Variants in RAP2A observed in about 807,000 individuals in gnomAD.
RAP2A encodes the protein ras-related protein Rap-2a.
RAP2A carries 5 observed loss-of-function variants against 15.1 expected under a neutral mutation model. That is an observed-to-expected ratio of 0.33 (90% confidence interval 0.17 to 0.70). The LOEUF (loss-of-function observed/expected upper bound fraction) is 0.70. Ranked by LOEUF, RAP2A falls within the 30% of genes least tolerant of loss-of-function variation. RAP2A has a pLI of 0.68. For synonymous variants in RAP2A, 110 were observed against 99.7 expected, an observed-to-expected ratio of 1.10 and a Z score of -0.62; for missense variants, 111 against 240.3, an observed-to-expected ratio of 0.46 and a Z score of 3.56.
rs2066778285 is a variant in RAP2A at position 97,467,681 on chromosome 13, T to TA, written c.*3239_*3240insA. On this transcript the variant is annotated 3_prime_UTR_variant, in exon 2 of 2. Transcript: ENST00000245304. ...AACATTAAGGACTATGGAGGTCTTT[T>TA]TTTTTTTATTTAACATGTCATTGTT... The TA allele has an allele frequency of 6.6e-6, 1 of 152,202 alleles. No individual in the cohort carries two copies. Among genetic ancestry groups the TA allele is most frequent in the African/African-American group, 2.4e-5 (1 of 41,310 alleles). The allele number at this position is 152,202 out of a possible 1,614,324, so 9.4% of individuals were successfully genotyped here.
intron 1 of RAP2A, among the ~76,000 whole-genome samples, chr13:97,438,995 T>C (rs961737522): frequency 6.6e-6 from 1 of 152,230 alleles, no homozygotes; most frequent in Non-Finnish European, 1.5e-5. Flanking sequence ...CAGCTCGAAC[T>C]TTCTGTGAGA....
chr13:97,446,944 C>A (rs2066682325), intron 1 of RAP2A, among the ~76,000 whole-genome samples: 1 of 152,162 alleles, frequency 6.6e-6, no homozygotes, highest in Non-Finnish European at 1.5e-5. Flanking sequence ...TTTTAAGCCC[C>A]TAAGTTTTGG....
intron 1 of RAP2A, among the ~76,000 whole-genome samples, chr13:97,445,639 G>C (rs1348133588): frequency 1.3e-5 from 2 of 152,180 alleles, no homozygotes; most frequent in Non-Finnish European, 2.9e-5. Flanking sequence ...CTTTATTGAA[G>C]AAGGATGTAA....
At chr13:97,459,130 G>A (rs1323141602) in intron 1 of RAP2A, among the ~76,000 whole-genome samples, 1 of 152,128 alleles carries the variant, frequency 6.6e-6, no homozygotes. Context: ...GCTGAAGTTG[G>A]TGAGATATCT....
At chr13:97,439,686 T>A (rs2066648937) in intron 1 of RAP2A, among the ~76,000 whole-genome samples, 1 of 152,068 alleles carries the variant, frequency 6.6e-6, no homozygotes, top group Non-Finnish European at 1.5e-5. Flanking sequence ...GGAGAGTAGA[T>A]GAAACCTACT....
At chr13:97,443,975 TAA>T (rs2066669091) in intron 1 of RAP2A, among the ~76,000 whole-genome samples, 2 of 152,218 alleles carry the variant, frequency 1.3e-5, no homozygotes, top group East Asian at 3.8e-4. Flanking sequence ...AAAATATTAA[TAA>T]TAAAGTTTCA....
intron 1 of RAP2A, among the ~76,000 whole-genome samples, chr13:97,452,061 C>G (rs923820164): frequency 6.6e-6 from 1 of 151,118 alleles, no homozygotes; most frequent in Non-Finnish European, 1.5e-5. Context: ...TTGCACATAC[C>G]TTTCCCCAAT....
At chr13:97,462,010 A>T (rs1181911930) in intron 1 of RAP2A, among the ~76,000 whole-genome samples, 3 of 145,358 alleles carry the variant, frequency 2.1e-5, no homozygotes, top group Non-Finnish European at 4.5e-5. Flanking sequence ...ATATTTATAT[A>T]TTTATATAGA....
At position 97,468,049 on chromosome 13, in the gene RAP2A, CAATT is replaced by C. The variant is rs1274449612; in HGVS notation, c.*3610_*3613del. 1.3e-5 allele frequency: 2 copies of C among 152,132 alleles called. No individual in the cohort carries two copies. Among genetic ancestry groups the C allele is most frequent in the East Asian group, 3.9e-4 (2 of 5,180 alleles). 9.4% of individuals were successfully genotyped at this position (152,132 alleles called of 1,614,324 possible). A position where few individuals can be genotyped will look rare whatever the true frequency, so the allele number is the denominator to read the frequency against. On this transcript the variant is annotated 3_prime_UTR_variant, in exon 2 of 2. Coordinates refer to ENST00000245304, the MANE Select transcript of RAP2A (RefSeq NM_021033.7). The stretch of plus-strand genomic sequence containing the variant: ...GAGAGAAATGTATTATATACAAAAA[CAATT>C]AAAAATTGCCATATAATGAATTTAG...
intron 1 of RAP2A, among the ~76,000 whole-genome samples, chr13:97,454,106 TCAG>T (rs2066713218): frequency 6.6e-6 from 1 of 151,474 alleles, no homozygotes; most frequent in Non-Finnish European, 1.5e-5. Flanking sequence ...TTTTATCCTC[TCAG>T]GTCTTTCACA....
At chr13:97,459,496 A>G (rs1446837615) in intron 1 of RAP2A, among the ~76,000 whole-genome samples, 1 of 152,160 alleles carries the variant, frequency 6.6e-6, no homozygotes, top group East Asian at 1.9e-4. Context: ...TCAAATGAGC[A>G]TTTCCTCCAC....
In RAP2A at chr13:97,467,717, A is replaced by G. The variant is rs985033422; in HGVS notation, c.*3275A>G. On this transcript the variant is annotated 3_prime_UTR_variant, in exon 2 of 2. Coordinates refer to ENST00000245304, the MANE Select transcript of RAP2A (RefSeq NM_021033.7). The stretch of plus-strand genomic sequence containing the variant: ...TAACATGTCATTGTTCATCTATTAA[A>G]TCTTGATCAGGGTTTCAAGAATGAC... 3.9e-5 allele frequency: 6 copies of G among 152,252 alleles called. No individual in the cohort carries two copies. The highest frequency in any genetic ancestry group is 3.3e-4 in the Admixed American group (5 of 15,258). 9.4% of individuals were successfully genotyped at this position (152,252 alleles called of 1,614,324 possible).
intron 1 of RAP2A, among the ~76,000 whole-genome samples, chr13:97,461,788 C>G (rs1338162326): frequency 6.6e-6 from 1 of 151,394 alleles, no homozygotes; most frequent in Non-Finnish European, 1.5e-5. Context: ...ACGATGAAAC[C>G]CTGTCTCTAC....
At chr13:97,457,795 T>TA (rs1020756872) in intron 1 of RAP2A, among the ~76,000 whole-genome samples, 1 of 152,138 alleles carries the variant, frequency 6.6e-6, no homozygotes, top group Non-Finnish European at 1.5e-5. Flanking sequence ...GATTAAGAAT[T>TA]AAAAAAATGT....
chr13:97,437,847 TTTTTCA>T (rs1387897038), intron 1 of RAP2A, among the ~76,000 whole-genome samples: 1 of 152,238 alleles, frequency 6.6e-6, no homozygotes, highest in Non-Finnish European at 1.5e-5. Context: ...GAGCTTTTCA[TTTTTCA>T]TTTTCATTTC....
At chr13:97,437,677 A>G (rs1369890655) in intron 1 of RAP2A, 1 of 152,234 alleles carries the variant, frequency 6.6e-6, no homozygotes, top group African/African-American at 2.4e-5. Context: ...CTAAAAAGCA[A>G]TGAGGTTAAA....
intron 1 of RAP2A, among the ~76,000 whole-genome samples, chr13:97,458,116 G>T (rs1430975769): frequency 6.6e-6 from 1 of 151,594 alleles, no homozygotes; most frequent in Non-Finnish European, 1.5e-5. Flanking sequence ...AAGCCATTTG[G>T]TAAGTTTATC....
intron 1 of RAP2A, among the ~76,000 whole-genome samples, chr13:97,458,929 C>G (rs1186172250): frequency 6.6e-6 from 1 of 152,002 alleles, no homozygotes; most frequent in African/African-American, 2.4e-5. Context: ...TTAAGCAGAG[C>G]TGCTTAAAAG....
chr13:97,448,730 A>T (rs766836705), intron 1 of RAP2A, among the ~76,000 whole-genome samples: 7 of 152,150 alleles, frequency 4.6e-5, no homozygotes, highest in Non-Finnish European at 1.0e-4. Context: ...CCCAGAAAAA[A>T]ACTCAGGTTC....
Sources: gnomAD v4.1 joint callset for allele counts (sites outside exome capture counted in the v4.1 genomes callset) on GRCh38, gnomAD v4.1.1 for gene constraint, MANE v1.5 for transcripts, NCBI Gene and HGNC (gene_info 2026-07-23, HGNC 2026-07-21) for gene names.